Variants in FCHSD2 observed in about 807,000 individuals in gnomAD.
The protein encoded by FCHSD2 is F-BAR and double SH3 domains protein 2.
A neutral mutation model predicts 108.1 loss-of-function variants in FCHSD2; 38 were observed. The ratio of observed to expected loss-of-function variants is 0.35; its 90% confidence interval spans 0.27 to 0.46. The LOEUF (loss-of-function observed/expected upper bound fraction) is 0.46. Among genes scored for constraint, FCHSD2 ranks in the 20% least tolerant of loss-of-function variants. FCHSD2 has a pLI of 1.00. For synonymous variants in FCHSD2, 279 were observed against 314.7 expected (o/e 0.89, Z 1.20); for missense variants, 751 against 897.8 (o/e 0.84, Z 2.09).
intron 14 of FCHSD2, among the ~76,000 whole-genome samples, chr11:72,844,817 A>G (rs1045265701): frequency 5.9e-5 from 9 of 152,198 alleles, no homozygotes; most frequent in African/African-American, 2.2e-4. Context: ...TTCAAGATCA[A>G]TTTCCCATTT....
At chr11:72,905,184 T>C (rs993948477) in intron 9 of FCHSD2, among the ~76,000 whole-genome samples, 14 of 152,302 alleles carry the variant, frequency 9.2e-5, no homozygotes, top group Admixed American at 2.6e-4. Context: ...ACGGTAATTA[T>C]TGTCGGCTTG....
intron 2 of FCHSD2, among the ~76,000 whole-genome samples, chr11:73,118,684 G>A (rs1251256543): frequency 2.0e-5 from 3 of 152,052 alleles, no homozygotes; most frequent in African/African-American, 4.8e-5. Context: ...TATTTTCATT[G>A]CATGTGATCA....
At chr11:73,052,483 G>A (rs572810117) in intron 3 of FCHSD2, among the ~76,000 whole-genome samples, 37 of 152,160 alleles carry the variant, frequency 2.4e-4, no homozygotes, top group African/African-American at 8.7e-4. Context: ...ATTACTTAAA[G>A]GCTAATGCAG....
At chr11:73,037,471 G>A (rs1858526509) in intron 3 of FCHSD2, among the ~76,000 whole-genome samples, 1 of 152,044 alleles carries the variant, frequency 6.6e-6, no homozygotes, top group Admixed American at 6.6e-5. Context: ...GGCAACTACT[G>A]ATCTTTTTAC....
intron 4 of FCHSD2, among the ~76,000 whole-genome samples, chr11:73,001,589 A>G (rs1207697243): frequency 6.6e-6 from 1 of 152,218 alleles, no homozygotes; most frequent in African/African-American, 2.4e-5. Context: ...CTGAGATACA[A>G]GACGAAGATT....
At chr11:72,891,635 G>A (rs1224961166) in intron 10 of FCHSD2, among the ~76,000 whole-genome samples, 2 of 152,216 alleles carry the variant, frequency 1.3e-5, no homozygotes, top group Non-Finnish European at 1.5e-5. Flanking sequence ...AGAGGAATGT[G>A]ATCTGTAAAA....
chr11:72,878,168 A>G lies in FCHSD2; in HGVS notation c.1146+9302T>C, dbSNP rs182430195. ...GTGGCATGCAGTTGTAGTCACAACT[A>G]TTTTGGAGGCTGAGGCAGGAGGATC... On this transcript the variant is annotated intron_variant, in intron 12 of 19. Coordinates refer to ENST00000409418, the MANE Select transcript of FCHSD2 (RefSeq NM_014824.3). Among the ~76,000 whole-genome samples the G allele has an allele frequency of 5.2e-4, 79 of 152,288 alleles. 2 individuals are homozygous for G. Among genetic ancestry groups the G allele is most frequent in the African/African-American group, 1.9e-3 (77 of 41,562 alleles).
At chr11:73,127,615 A>G (rs1481509565) in intron 2 of FCHSD2, among the ~76,000 whole-genome samples, 1 of 152,148 alleles carries the variant, frequency 6.6e-6, no homozygotes, top group Non-Finnish European at 1.5e-5. Context: ...TACAAAGAAA[A>G]CCATCAACTT....
At chr11:73,078,287 T>C (rs560467603) in intron 3 of FCHSD2, among the ~76,000 whole-genome samples, 1 of 152,308 alleles carries the variant, frequency 6.6e-6, no homozygotes, top group Non-Finnish European at 1.5e-5. Flanking sequence ...TGGCTGTATC[T>C]ACTAAAGTAG....
intron 3 of FCHSD2, among the ~76,000 whole-genome samples, chr11:73,074,243 T>C (rs1859497197): frequency 6.6e-6 from 1 of 152,112 alleles, no homozygotes; most frequent in Admixed American, 6.5e-5. Flanking sequence ...TATAGAAAAA[T>C]AAACTTTTCT....
At chr11:72,921,539 A>T (rs1401660178) in intron 9 of FCHSD2, among the ~76,000 whole-genome samples, 3 of 152,232 alleles carry the variant, frequency 2.0e-5, no homozygotes, top group African/African-American at 7.2e-5. Context: ...AACTCTGAGT[A>T]GAATACAAAA....
At chr11:73,114,285 T>C (rs138825787) in intron 2 of FCHSD2, among the ~76,000 whole-genome samples, 50 of 152,032 alleles carry the variant, frequency 3.3e-4, no homozygotes, top group Non-Finnish European at 5.4e-4. Flanking sequence ...TCTTCAGTCA[T>C]CTTGTGGTGA....
At position 72,949,784 on chromosome 11, in the gene FCHSD2, C is replaced by T. The variant is rs1856589030; in HGVS notation, c.706-27834G>A. ...GTTTATCCATTCACTAGTTGATGGA[C>T]ATTTGGGTTGTTTCCACCTTTGGAT... On this transcript the variant is annotated intron_variant, in intron 8 of 19. Coordinates refer to ENST00000409418, the MANE Select transcript of FCHSD2 (RefSeq NM_014824.3). 3.3e-5 allele frequency among the ~76,000 whole-genome samples: 5 copies of T among 152,170 alleles called. No individual in the cohort carries two copies. In the South Asian group the frequency reaches 1.0e-3, roughly 32 times the overall value.
chr11:73,067,262 A>T (rs932938430), intron 3 of FCHSD2, among the ~76,000 whole-genome samples: 2 of 152,128 alleles, frequency 1.3e-5, no homozygotes, highest in Non-Finnish European at 2.9e-5. Context: ...GTTCTCACTC[A>T]TAAGTGGGAG....
chr11:72,874,482 G>T (rs1854926214), intron 12 of FCHSD2, among the ~76,000 whole-genome samples: 1 of 152,196 alleles, frequency 6.6e-6, no homozygotes, highest in South Asian at 2.1e-4. Context: ...GAGCCACTGT[G>T]CCTGACCTCT....
In FCHSD2 at chr11:73,012,533, G is replaced by C. The variant is rs1002918835; in HGVS notation, c.242+3276C>G. Among the ~76,000 whole-genome samples the C allele has an allele frequency of 3.3e-5, 5 of 152,060 alleles. 1 individual carries two copies. Among genetic ancestry groups the C allele is most frequent in the Non-Finnish European group, 7.4e-5 (5 of 67,976 alleles). On this transcript the variant is annotated intron_variant, in intron 4 of 19. Transcript: ENST00000409418. ...AAACTACCAATGCAAATATAAATAC[G>C]AAAAAGTTAAATGGAAAATTTTAAA...
intron 2 of FCHSD2, among the ~76,000 whole-genome samples, chr11:73,098,314 T>TG (rs1333108614): frequency 6.6e-6 from 1 of 152,192 alleles, no homozygotes; most frequent in Admixed American, 6.5e-5. Context: ...ATCTACTCGT[T>TG]GTTTAAGAAT....
intron 4 of FCHSD2, among the ~76,000 whole-genome samples, chr11:73,008,409 A>G (rs941542006): frequency 8.5e-5 from 13 of 152,210 alleles, no homozygotes; most frequent in African/African-American, 2.9e-4. Context: ...TAACAAGAAG[A>G]ATGGTGTTTT....
chr11:72,895,879 T>G (rs866948176), intron 10 of FCHSD2, among the ~76,000 whole-genome samples: 5 of 152,168 alleles, frequency 3.3e-5, no homozygotes, highest in Non-Finnish European at 7.4e-5. Flanking sequence ...TATCACAGCC[T>G]TTTTCACATT....
Sources: allele counts gnomAD v4.1 joint callset (sites outside exome capture counted in the v4.1 genomes callset), GRCh38; gene constraint gnomAD v4.1.1; transcripts MANE v1.5; gene names NCBI Gene and HGNC (gene_info 2026-07-23, HGNC 2026-07-21).